The following PABIR3 variants were observed in gnomAD, a reference collection of about 807,000 sequenced individuals.
The protein encoded by PABIR3 is PABIR family member 3, also known as PABIR family member 1.
In PABIR3, 20 loss-of-function variants were observed where a neutral mutation model predicts 23.1. That is an observed-to-expected ratio of 0.86 (90% confidence interval 0.61 to 1.26). The LOEUF (loss-of-function observed/expected upper bound fraction) is 1.26. Among genes scored for constraint, PABIR3 ranks in the 50% most tolerant of loss-of-function variants. PABIR3 has a pLI of 0.00. For missense variants in PABIR3, 189 were observed against 195.4 expected, an observed-to-expected ratio of 0.97 and a Z score of 0.20; for synonymous variants, 69 against 68.5, an observed-to-expected ratio of 1.01 and a Z score of -0.04.
chrX:134,817,020 C>A (rs950997672), intron 3 of PABIR3, among the ~76,000 whole-genome samples: 1 of 111,045 alleles, frequency 9.0e-6, no homozygotes, highest in African/African-American at 3.3e-5. Flanking sequence ...ACCAAAAATA[C>A]AAAATTAGTT....
In PABIR3 at chrX:134,847,868, C is replaced by G. The variant is rs2082486351; in HGVS notation, c.439-15C>G. 1 of 1,146,979 alleles carries G rather than the reference C, an allele frequency of 8.7e-7. No homozygotes were observed. Among genetic ancestry groups the G allele is most frequent in the East Asian group, 3.3e-5 (1 of 30,688 alleles). The allele number at this position is 1,146,979 out of a possible 1,213,427, so 94.5% of individuals were successfully genotyped here. A position where few individuals can be genotyped will look rare whatever the true frequency, so the allele number is the denominator to read the frequency against. ...AAGTGGCGGTTTTAAAACCTCTGTT[C>G]CAATTTGATTTTAGCAGTGTTTCTC... On this transcript the variant is annotated splice_polypyrimidine_tract_variant and intron_variant, in intron 7 of 10. Coordinates refer to ENST00000645433, the MANE Select transcript of PABIR3 (RefSeq NM_001388447.1).
Position 134,854,119 on chromosome X carries a change from G to A in PABIR3, c.715G>A (p.Asp239Asn), listed in dbSNP as rs1033460516. 6 of 1,209,303 alleles carry A rather than the reference G, an allele frequency of 5.0e-6. No homozygotes were observed. The African/African-American group carries it at 8.7e-5, about 18-fold the overall frequency. ...YLLPATFDGN[D>N]SNAGSSGNSS... The stretch of plus-strand genomic sequence containing the variant: ...ACTTCCAGCTACTTTTGATGGAAAC[G>A]ACAGCAATGCTGGATCTTCTGGTAA... Residue 239 changes from aspartate (D) to asparagine (N), a missense_variant, in exon 11 of 11, where the codon GAC (aspartate) becomes AAC (asparagine). Physicochemically the swap from Asp to Asn is conservative, Grantham distance 23. Coordinates refer to ENST00000645433, the MANE Select transcript of PABIR3 (RefSeq NM_001388447.1).
upstream of PABIR3, chrX:134,807,172 A>G (rs754598250): frequency 8.9e-6 from 7 of 785,896 alleles, no homozygotes; most frequent in South Asian, 4.0e-4. Flanking sequence ...TCCGGCTGAT[A>G]GCTTATCGCA....
At chrX:134,801,073 C>T (rs932038001) in intron 1 of PABIR3, among the ~76,000 whole-genome samples, 12 of 112,607 alleles carry the variant, frequency 1.1e-4, no homozygotes, top group African/African-American at 3.9e-4. Flanking sequence ...AACTGACCTA[C>T]AGCACAAGGT....
intron 2 of PABIR3, 52 bp from the exon 3 acceptor site, chrX:134,814,719 A>AG: frequency 1.0e-6 from 1 of 996,018 alleles, no homozygotes; most frequent in Admixed American, 3.0e-5. Flanking sequence ...AAAAAAAAAA[A>AG]AGAATTTTGT....
intron 3 of PABIR3, chrX:134,821,702 G>A (rs1488322542): frequency 2.0e-6 from 2 of 1,010,880 alleles, no homozygotes; most frequent in Non-Finnish European, 2.5e-6. Flanking sequence ...CCACAAAGTT[G>A]CAAGCATGTA....
intron 3 of PABIR3, chrX:134,822,703 A>G (rs2081342042): frequency 2.9e-6 from 2 of 683,834 alleles, no homozygotes; most frequent in African/African-American, 4.8e-5. Flanking sequence ...TTTCTCACTT[A>G]TAAGTCGGAG....
intron 3 of PABIR3, chrX:134,822,299 T>C: frequency 2.7e-6 from 2 of 752,572 alleles, no homozygotes; most frequent in Non-Finnish European, 1.6e-6. Flanking sequence ...GGTAATTCCT[T>C]TGCAAACGCC....
At chrX:134,824,509 A>G (rs2081421582) in intron 3 of PABIR3, among the ~76,000 whole-genome samples, 1 of 112,375 alleles carries the variant, frequency 8.9e-6, no homozygotes, top group African/African-American at 3.2e-5. Flanking sequence ...TTAAAAACAA[A>G]AAGATCAGGG....
At chrX:134,810,203 T>G (rs1477870502) in intron 2 of PABIR3, 1 of 752,320 alleles carries the variant, frequency 1.3e-6, no homozygotes, top group East Asian at 1.5e-4. Context: ...AGAGAAGGAG[T>G]GGACCCTTCC....
upstream of PABIR3, chrX:134,807,174 C>T (rs964267201): frequency 1.3e-6 from 1 of 789,866 alleles, no homozygotes; most frequent in South Asian, 6.5e-5. Flanking sequence ...CGGCTGATAG[C>T]TTATCGCAGG....
At chrX:134,803,489 C>T (rs773006629), upstream of PABIR3, among the ~76,000 whole-genome samples, 5 of 112,504 alleles carry the variant, frequency 4.4e-5, no homozygotes, top group South Asian at 1.5e-3. Flanking sequence ...ATTTTGCCTG[C>T]CTCTTTTCAA....
chrX:134,797,894 C>G (rs1195499587), intron 1 of PABIR3, among the ~76,000 whole-genome samples: 1 of 108,465 alleles, frequency 9.2e-6, no homozygotes, highest in East Asian at 2.9e-4. Context: ...CTCACTGCAA[C>G]CTCTGCCCCA....
upstream of PABIR3, chrX:134,804,105 G>C: frequency 1.6e-6 from 1 of 641,561 alleles, no homozygotes; most frequent in Non-Finnish European, 2.4e-6. Context: ...TTATAGGTGA[G>C]GGCCTGGGAC....
At chrX:134,850,947 T>A (rs2082610948) in intron 9 of PABIR3, among the ~76,000 whole-genome samples, 1 of 112,186 alleles carries the variant, frequency 8.9e-6, no homozygotes, top group South Asian at 3.7e-4. Flanking sequence ...GAAAATTCAT[T>A]TGGCCATTTT....
chrX:134,844,809 A>G (rs767281740), intron 4 of PABIR3, among the ~76,000 whole-genome samples: 1 of 112,307 alleles, frequency 8.9e-6, no homozygotes, highest in Non-Finnish European at 1.9e-5. Context: ...GTGTACTGTG[A>G]GTAATTTTTA....
chrX:134,862,189 C>T, the PABIR3 span, among the ~76,000 whole-genome samples: 2 of 74,910 alleles, frequency 2.7e-5, no homozygotes, highest in Non-Finnish European at 4.6e-5. Flanking sequence ...TCACCCTTGT[C>T]ACCCAGGCTG....
intron 3 of PABIR3, chrX:134,821,950 C>G: frequency 1.3e-6 from 1 of 761,532 alleles, no homozygotes; most frequent in South Asian, 6.3e-5. Flanking sequence ...ATCTTAATGT[C>G]TTTACAATAT....
chrX:134,858,917 A>G (rs765551067), downstream of PABIR3, among the ~76,000 whole-genome samples: 1 of 112,156 alleles, frequency 8.9e-6, no homozygotes, highest in East Asian at 2.8e-4. Flanking sequence ...GAAATGCATT[A>G]AATGAATACA....
Sources: gnomAD v4.1 joint callset for allele counts (sites outside exome capture counted in the v4.1 genomes callset) on GRCh38, gnomAD v4.1.1 for gene constraint, MANE v1.5 for transcripts, NCBI Gene and HGNC (gene_info 2026-07-23, HGNC 2026-07-21) for gene names.